Variants in ADAM12 observed in about 807,000 individuals in gnomAD.
ADAM12 encodes ADAM metallopeptidase domain 12.
In ADAM12, 70 loss-of-function variants were observed where a neutral mutation model predicts 106.4. The observed-to-expected ratio is 0.66, with a 90% confidence interval of 0.54 to 0.80. The LOEUF (loss-of-function observed/expected upper bound fraction) is 0.80. ADAM12 is among the 30% of genes least tolerant of loss of function. The pLI is 0.00. For missense variants in ADAM12, 1,010 were observed against 1,171.9 expected, an observed-to-expected ratio of 0.86 and a Z score of 2.02; for synonymous variants, 420 against 433.5, an observed-to-expected ratio of 0.97 and a Z score of 0.39.
At chr10:126,089,197 A>G (rs1427960411) in intron 11 of ADAM12, among the ~76,000 whole-genome samples, 1 of 152,216 alleles carries the variant, frequency 6.6e-6, no homozygotes, top group Non-Finnish European at 1.5e-5. Context: ...TCAGATACAC[A>G]TGAAGAAAAT....
intron 3 of ADAM12, among the ~76,000 whole-genome samples, chr10:126,162,908 G>A (rs1177643076): frequency 2.6e-5 from 4 of 152,166 alleles, no homozygotes; most frequent in Admixed American, 6.5e-5. Context: ...GGGTCTGGTA[G>A]GAGGTGTTTG....
chr10:126,141,371 C>T (rs569296398), intron 4 of ADAM12, among the ~76,000 whole-genome samples: 14 of 152,326 alleles, frequency 9.2e-5, no homozygotes, highest in Admixed American at 1.3e-4. Context: ...GCCGTCTTTG[C>T]CTAGTTCTGC....
intron 2 of ADAM12, among the ~76,000 whole-genome samples, chr10:126,316,704 T>G (rs1378276550): frequency 6.6e-6 from 1 of 151,648 alleles, no homozygotes; most frequent in Non-Finnish European, 1.5e-5. Flanking sequence ...AAAAAATAAT[T>G]TTTTAAATTA....
intron 21 of ADAM12, among the ~76,000 whole-genome samples, chr10:126,020,303 G>A (rs764453177): frequency 6.6e-6 from 1 of 152,198 alleles, no homozygotes; most frequent in Non-Finnish European, 1.5e-5. Context: ...TGCAGGCGCT[G>A]TTCCACATGT....
At chr10:126,308,943 A>G (rs1960962826) in intron 2 of ADAM12, among the ~76,000 whole-genome samples, 4 of 152,188 alleles carry the variant, frequency 2.6e-5, no homozygotes, top group Admixed American at 2.6e-4. Flanking sequence ...AGAGAGATGC[A>G]TTTATACAAC....
intron 18 of ADAM12, chr10:126,041,231 C>T (rs1476147345): frequency 9.4e-6 from 6 of 637,454 alleles, no homozygotes; most frequent in Admixed American, 6.3e-5. Flanking sequence ...GGCAGACACA[C>T]AAGTACTTGT....
intron 1 of ADAM12, among the ~76,000 whole-genome samples, chr10:126,337,035 A>T (rs1406783334): frequency 6.6e-6 from 1 of 152,188 alleles, no homozygotes; most frequent in East Asian, 1.9e-4. Context: ...ATGGTGTATT[A>T]CTCAGGTTTT....
intron 2 of ADAM12, among the ~76,000 whole-genome samples, chr10:126,282,414 C>T (rs1959627505): frequency 6.6e-6 from 1 of 152,078 alleles, no homozygotes; most frequent in African/African-American, 2.4e-5. Flanking sequence ...TATTACATTT[C>T]CCTTATTCCC....
intron 2 of ADAM12, among the ~76,000 whole-genome samples, chr10:126,315,713 A>G (rs1016668057): frequency 6.6e-6 from 1 of 152,070 alleles, no homozygotes. Context: ...CTGGAGATCA[A>G]CCTCACAAAG....
intron 12 of ADAM12, among the ~76,000 whole-genome samples, chr10:126,068,142 C>T (rs1954910798): frequency 6.6e-6 from 1 of 152,164 alleles, no homozygotes; most frequent in East Asian, 1.9e-4. Flanking sequence ...ACTTTTATGA[C>T]AGTAAGGGTT....
intron 3 of ADAM12, among the ~76,000 whole-genome samples, chr10:126,237,685 A>C (rs1422651578): frequency 2.6e-5 from 4 of 152,192 alleles, no homozygotes; most frequent in African/African-American, 9.7e-5. Context: ...GTAGAGCCTA[A>C]ATGAAAATCA....
chr10:126,311,881 G>A (rs1194944985), intron 2 of ADAM12, among the ~76,000 whole-genome samples: 1 of 152,066 alleles, frequency 6.6e-6, no homozygotes, highest in African/African-American at 2.4e-5. Context: ...GTAAATAAGT[G>A]AGTCCCGAGT....
intron 2 of ADAM12, among the ~76,000 whole-genome samples, chr10:126,318,684 T>C (rs1027421409): frequency 1.3e-5 from 2 of 152,246 alleles, no homozygotes; most frequent in African/African-American, 2.4e-5. Context: ...GTAGGAACAA[T>C]TTGAACAATA....
chr10:126,246,558 T>TGG (rs1958634458), intron 3 of ADAM12, among the ~76,000 whole-genome samples: 1 of 152,206 alleles, frequency 6.6e-6, no homozygotes, highest in Non-Finnish European at 1.5e-5. Flanking sequence ...GCTTCATCCC[T>TGG]GGGATGCAAA....
chr10:126,304,199 T>C (rs1252843092), intron 2 of ADAM12, among the ~76,000 whole-genome samples: 1 of 149,806 alleles, frequency 6.7e-6, no homozygotes, highest in Non-Finnish European at 1.5e-5. Context: ...AACAAATAAA[T>C]AATACAATAG....
rs139026512 is a variant in ADAM12 at position 126,202,499 on chromosome 10, TTCTCTCTC to T, written c.261-47202_261-47195del. On this transcript the variant is annotated intron_variant, in intron 3 of 22. Transcript: ENST00000448723. The stretch of plus-strand genomic sequence containing the variant: ...GAAAAACCCCAAAATGCTCTACTAC[TTCTCTCTC>T]TCTCTCTCTCTCTCTTTAACCAGAA... Among the ~76,000 whole-genome samples, 1,060 of 149,540 alleles carry T rather than the reference TTCTCTCTC, an allele frequency of 7.1e-3. 11 individuals are homozygous for T. Among genetic ancestry groups the T allele is most frequent in the African/African-American group, 0.025 (1,017 of 40,954 alleles).
chr10:126,158,478 G>GC (rs1491360280), intron 3 of ADAM12, among the ~76,000 whole-genome samples: 5 of 143,840 alleles, frequency 3.5e-5, no homozygotes, highest in East Asian at 2.2e-4. Flanking sequence ...AGAGCATGGG[G>GC]AGAGGATGCA....
intron 1 of ADAM12, among the ~76,000 whole-genome samples, chr10:126,356,387 C>A (rs1855539788): frequency 6.6e-6 from 1 of 152,172 alleles, no homozygotes; most frequent in African/African-American, 2.4e-5. Flanking sequence ...GAACTCAAAG[C>A]AAAGGCAGCA....
At chr10:126,343,598 C>T (rs568615303) in intron 1 of ADAM12, among the ~76,000 whole-genome samples, 31 of 152,284 alleles carry the variant, frequency 2.0e-4, no homozygotes, top group Admixed American at 1.6e-3. Context: ...CCTGAGGAAT[C>T]GCCACACCAT....
Sources: gnomAD v4.1 joint callset for allele counts (sites outside exome capture counted in the v4.1 genomes callset) on GRCh38, gnomAD v4.1.1 for gene constraint, MANE v1.5 for transcripts, NCBI Gene and HGNC (gene_info 2026-07-23, HGNC 2026-07-21) for gene names.